Variants in JMJD1C observed in about 807,000 individuals in gnomAD.
JMJD1C encodes the protein jumonji domain-containing protein 1C.
Under a neutral mutation model 245.3 loss-of-function variants are expected in JMJD1C, and 31 were observed. That is an observed-to-expected ratio of 0.13 (90% CI 0.09 to 0.17). The LOEUF (loss-of-function observed/expected upper bound fraction) is 0.17, where lower values mean the gene tolerates loss of function less well. JMJD1C is among the 10% of genes least tolerant of loss of function. JMJD1C has a pLI of 1.00. For synonymous variants in JMJD1C, 1,057 were observed against 1,017.4 expected (o/e 1.04, Z -0.74); for missense variants, 2,691 against 3,000.2 (o/e 0.90, Z 2.41).
intron 10 of JMJD1C, among the ~76,000 whole-genome samples, chr10:63,205,538 G>A (rs547557709): frequency 6.6e-6 from 1 of 152,206 alleles, no homozygotes; most frequent in African/African-American, 2.4e-5. Context: ...TGTAAGCGTT[G>A]TGTTGGGCAT....
chr10:63,199,023 G>C (rs1845743678), intron 11 of JMJD1C, among the ~76,000 whole-genome samples: 1 of 152,090 alleles, frequency 6.6e-6, no homozygotes, highest in African/African-American at 2.4e-5. Context: ...TGAATGACAA[G>C]AGTAAAAATG....
At chr10:63,446,964 G>C (rs1441471930) in intron 1 of JMJD1C, among the ~76,000 whole-genome samples, 1 of 151,754 alleles carries the variant, frequency 6.6e-6, no homozygotes. Flanking sequence ...GGAATCACCA[G>C]GAATTTCCTA....
intron 2 of JMJD1C, among the ~76,000 whole-genome samples, chr10:63,308,879 A>G (rs908251800): frequency 6.6e-6 from 1 of 152,108 alleles, no homozygotes; most frequent in Non-Finnish European, 1.5e-5. Flanking sequence ...AGATAAAAAT[A>G]GACACACATA....
chr10:63,312,370 A>G (rs58177197), intron 2 of JMJD1C, among the ~76,000 whole-genome samples: 21,463 of 152,014 alleles, frequency 0.14, 3,464 homozygotes, highest in African/African-American at 0.4. Flanking sequence ...GGCCTCCCCA[A>G]GTGCTGGGAT....
At chr10:63,197,840 G>C (rs1845615873) in intron 12 of JMJD1C, among the ~76,000 whole-genome samples, 1 of 152,182 alleles carries the variant, frequency 6.6e-6, no homozygotes, top group South Asian at 2.1e-4. Flanking sequence ...TTTGTTGGGA[G>C]GGATTACTCT....
chr10:63,415,149 A>G (rs993027439), intron 1 of JMJD1C, among the ~76,000 whole-genome samples: 3 of 152,028 alleles, frequency 2.0e-5, no homozygotes, highest in Admixed American at 2.0e-4. Flanking sequence ...TACTTAGAAA[A>G]CCCCACTTAA....
chr10:63,289,980 T>C (rs1858448145), intron 2 of JMJD1C, among the ~76,000 whole-genome samples: 1 of 151,930 alleles, frequency 6.6e-6, no homozygotes, highest in South Asian at 2.1e-4. Context: ...AAAGGAAAGA[T>C]TAATGAAAGG....
Position 63,193,020 on chromosome 10 carries a change from G to C in JMJD1C, c.5994C>G (p.Asn1998Lys). The C allele has an allele frequency of 6.2e-7, 1 of 1,613,968 alleles. No homozygotes were observed. The highest frequency in any genetic ancestry group is 8.5e-7 in the Non-Finnish European group (1 of 1,179,980). Residue 1998 changes from asparagine to lysine, a missense_variant, in exon 16 of 26, where the codon AAC (asparagine) becomes AAG (lysine). By Grantham distance (94) the Asn-to-Lys change is moderately conservative. Transcript: ENST00000399262. The part of the protein sequence containing the change: ...SSPESDVGTD[N>K]KLTPPESQSP... The stretch of plus-strand genomic sequence containing the variant: ...ACTGGGATTCTGGAGGAGTTAACTT[G>C]TTATCTGTGCCTACATCACTCTCTG...
intron 2 of JMJD1C, among the ~76,000 whole-genome samples, chr10:63,315,793 T>C (rs896400137): frequency 1.1e-4 from 17 of 148,974 alleles, no homozygotes; most frequent in Admixed American, 9.4e-4. Flanking sequence ...TGACCCAAGA[T>C]TGCGCCACTG....
chr10:63,316,206 C>T (rs1180931627), intron 2 of JMJD1C, among the ~76,000 whole-genome samples: 1 of 152,146 alleles, frequency 6.6e-6, no homozygotes, highest in Non-Finnish European at 1.5e-5. Context: ...TTGTTGTTTT[C>T]ATTTAGCACT....
chr10:63,506,909 G>A (rs1375162971), intron 1 of JMJD1C, among the ~76,000 whole-genome samples: 1 of 147,940 alleles, frequency 6.8e-6, no homozygotes, highest in Non-Finnish European at 1.5e-5. Flanking sequence ...TAAAAACCCT[G>A]TTCTCTGATT....
intron 1 of JMJD1C, among the ~76,000 whole-genome samples, chr10:63,417,133 T>C (rs754334866): frequency 1.3e-5 from 2 of 152,280 alleles, no homozygotes; most frequent in Middle Eastern, 3.4e-3. Flanking sequence ...TGAAAAAATT[T>C]TTTACCCAAA....
In JMJD1C at chr10:63,186,425, A is replaced by G. The variant is rs1564568923; in HGVS notation, c.6571-42T>C. The G allele has an allele frequency of 8.2e-6, 12 of 1,464,408 alleles. No individual in the cohort carries two copies. The South Asian group carries it at 1.0e-4, about 12-fold the overall frequency. The allele number at this position is 1,464,408 out of a possible 1,614,324, so 90.7% of individuals were successfully genotyped here. On this transcript the variant is annotated intron_variant, in intron 18 of 25. Coordinates refer to ENST00000399262, the MANE Select transcript of JMJD1C (RefSeq NM_032776.3). ...TAAATAACAGTTAAAAGATATATAG[A>G]CTTTCTTTTTTGTTTGTTTGTTTGT... is the stretch of plus-strand genomic sequence containing the variant.
chr10:63,444,669 G>A (rs1330152848), intron 1 of JMJD1C, among the ~76,000 whole-genome samples: 9 of 133,508 alleles, frequency 6.7e-5, no homozygotes, highest in Admixed American at 4.0e-4. Flanking sequence ...CTTGCTGCCC[G>A]GGCTGGAGTG....
At chr10:63,521,421 G>A (rs1251182086) in intron 1 of JMJD1C, 3 of 347,654 alleles carry the variant, frequency 8.6e-6, no homozygotes, top group Non-Finnish European at 1.3e-5. Context: ...CCCGGCTCCT[G>A]AGGGCGCCAG....
chr10:63,337,915 C>G (rs1288307873), intron 2 of JMJD1C, among the ~76,000 whole-genome samples: 1 of 152,140 alleles, frequency 6.6e-6, no homozygotes, highest in Non-Finnish European at 1.5e-5. Flanking sequence ...TATTCATTGT[C>G]TTAATCACCA....
chr10:63,261,432 T>G (rs1046920314), intron 3 of JMJD1C, among the ~76,000 whole-genome samples: 3 of 151,954 alleles, frequency 2.0e-5, no homozygotes, highest in Non-Finnish European at 2.9e-5. Flanking sequence ...AATACAAATA[T>G]TAGCTGGGAG....
At chr10:63,344,102 G>A (rs973995981) in intron 2 of JMJD1C, among the ~76,000 whole-genome samples, 16 of 152,170 alleles carry the variant, frequency 1.1e-4, no homozygotes, top group African/African-American at 2.9e-4. Flanking sequence ...TAAAGTCTAC[G>A]GTAGTGTACA....
chr10:63,280,684 A>G (rs1206610820), intron 2 of JMJD1C, among the ~76,000 whole-genome samples: 1 of 152,160 alleles, frequency 6.6e-6, no homozygotes, highest in Non-Finnish European at 1.5e-5. Flanking sequence ...ATCTTGTTCA[A>G]TCTACTTAGT....
Sources: allele counts gnomAD v4.1 joint callset (sites outside exome capture counted in the v4.1 genomes callset), GRCh38; gene constraint gnomAD v4.1.1; transcripts MANE v1.5; gene names NCBI Gene and HGNC (gene_info 2026-07-23, HGNC 2026-07-21).